CACNA1C: variants seen among roughly 807,000 people sequenced by gnomAD.
The protein encoded by CACNA1C is calcium voltage-gated channel subunit alpha1 C.
A neutral mutation model predicts 229.0 loss-of-function variants in CACNA1C; 30 were observed. The ratio of observed to expected loss-of-function variants is 0.13; its 90% confidence interval spans 0.10 to 0.18. CACNA1C has a LOEUF of 0.18. CACNA1C is among the 10% of genes least tolerant of loss of function. CACNA1C has a pLI of 1.00. For synonymous variants in CACNA1C, 1,114 were observed against 1,132.5 expected, an observed-to-expected ratio of 0.98 and a Z score of 0.33; for missense variants, 1,658 against 2,845.0, an observed-to-expected ratio of 0.58 and a Z score of 9.49.
intron 1 of CACNA1C, among the ~76,000 whole-genome samples, chr12:2,077,335 A>G (rs2063574687): frequency 6.6e-6 from 1 of 152,164 alleles, no homozygotes; most frequent in African/African-American, 2.4e-5. Context: ...GAAAGGGGAG[A>G]TCTTAATGTA....
chr12:2,545,212 A>ATTTTTTTTTTTTTTTTTT (rs56971243), intron 9 of CACNA1C, among the ~76,000 whole-genome samples: 1 of 131,642 alleles, frequency 7.6e-6, no homozygotes. Flanking sequence ...CAAAACAATG[A>ATTTTTTTTTTTTTTTTTT]TTTTTTTTTT....
intron 30 of CACNA1C, among the ~76,000 whole-genome samples, chr12:2,638,359 G>A (rs1056460571): frequency 7.2e-5 from 11 of 152,186 alleles, no homozygotes; most frequent in Admixed American, 1.3e-4. Context: ...CGGGAGAAGA[G>A]GTAGCAGGGC....
At chr12:1,980,146 A>G (rs1322176977) in intron 1 of CACNA1C, among the ~76,000 whole-genome samples, 1 of 152,204 alleles carries the variant, frequency 6.6e-6, no homozygotes, top group African/African-American at 2.4e-5. Flanking sequence ...ATACATATCC[A>G]CCTAAAAAAC....
At chr12:2,494,606 G>A (rs982580207) in intron 7 of CACNA1C, among the ~76,000 whole-genome samples, 11 of 152,220 alleles carry the variant, frequency 7.2e-5, no homozygotes, top group South Asian at 2.1e-4. Context: ...AATGCTTCCC[G>A]TTGAGCAGAG....
intron 11 of CACNA1C, among the ~76,000 whole-genome samples, chr12:2,560,134 G>A (rs1172230301): frequency 6.6e-6 from 1 of 152,178 alleles, no homozygotes; most frequent in Non-Finnish European, 1.5e-5. Flanking sequence ...TGGCCCTGGA[G>A]GTTTCACACA....
intron 1 of CACNA1C, among the ~76,000 whole-genome samples, chr12:2,032,930 A>G (rs138360996): frequency 4.9e-4 from 74 of 152,338 alleles, no homozygotes; most frequent in African/African-American, 1.5e-3. Flanking sequence ...CTCTCTCCCT[A>G]TAAAACATCC....
Position 2,634,390 on chromosome 12 carries a change from T to C in CACNA1C, c.3912+10T>C, listed in dbSNP as rs560207575. On this transcript the variant is annotated intron_variant, in intron 30 of 46. Transcript: ENST00000399655. ...AATCACCGAGGTAAACGTAAGTACATGGCGTCTGTCCCTAACCGTCCGTGC... is the reference window on the plus strand; with the variant it reads ...AATCACCGAGGTAAACGTAAGTACACGGCGTCTGTCCCTAACCGTCCGTGC... 1 of 1,517,764 alleles carries C rather than the reference T, an allele frequency of 6.6e-7. No individual in the cohort carries two copies. The highest frequency in any genetic ancestry group is 1.2e-5 in the South Asian group (1 of 83,914). 94.0% of individuals were successfully genotyped at this position (1,517,764 alleles called of 1,614,324 possible). A position where few individuals can be genotyped will look rare whatever the true frequency, so the allele number is the denominator to read the frequency against.
chr12:2,314,595 C>T (rs2095595489), intron 3 of CACNA1C, among the ~76,000 whole-genome samples: 1 of 152,132 alleles, frequency 6.6e-6, no homozygotes, highest in African/African-American at 2.4e-5. Flanking sequence ...CTCATGAAGT[C>T]TATATTTTTG....
Position 2,120,433 on chromosome 12 carries a change from A to G in CACNA1C, c.477+3A>G. ...CCAACGCCACCAATTCCAACCTGGT[A>G]AGTCCACCATCCTCAAGTCTCTGCT... On this transcript the variant is annotated splice_donor_region_variant and intron_variant, in intron 3 of 46. Coordinates refer to ENST00000399655, the MANE Select transcript of CACNA1C (RefSeq NM_000719.7). 6.6e-7 allele frequency: 1 copy of G among 1,508,316 alleles called. No individual in the cohort carries two copies. Among genetic ancestry groups the G allele is most frequent in the Non-Finnish European group, 9.2e-7 (1 of 1,083,426 alleles). The allele number at this position is 1,508,316 out of a possible 1,614,324, so 93.4% of individuals were successfully genotyped here. A position where few individuals can be genotyped will look rare whatever the true frequency, so the allele number is the denominator to read the frequency against.
chr12:2,219,173 T>C (rs2060788927), intron 3 of CACNA1C, among the ~76,000 whole-genome samples: 2 of 152,348 alleles, frequency 1.3e-5, no homozygotes, highest in African/African-American at 4.8e-5. Context: ...TGCTGGACGC[T>C]TCTCTCCCTT....
chr12:2,183,371 C>T (rs1466488693), intron 3 of CACNA1C, among the ~76,000 whole-genome samples: 1 of 152,234 alleles, frequency 6.6e-6, no homozygotes, highest in Non-Finnish European at 1.5e-5. Context: ...AGGTCTGTGT[C>T]CCGCTGATCT....
At chr12:2,146,240 A>T (rs1021768200) in intron 3 of CACNA1C, among the ~76,000 whole-genome samples, 2 of 150,970 alleles carry the variant, frequency 1.3e-5, no homozygotes, top group Non-Finnish European at 3.0e-5. Context: ...GAAGCAGGTA[A>T]TGGTAGTTGA....
chr12:2,042,977 A>G (rs1268487148), intron 1 of CACNA1C, among the ~76,000 whole-genome samples: 1 of 152,248 alleles, frequency 6.6e-6, no homozygotes, highest in Non-Finnish European at 1.5e-5. Context: ...ATATGCCTGT[A>G]CTTTAAGAGG....
intron 7 of CACNA1C, among the ~76,000 whole-genome samples, chr12:2,500,336 T>A (rs1347924899): frequency 6.6e-6 from 1 of 152,142 alleles, no homozygotes; most frequent in Non-Finnish European, 1.5e-5. Flanking sequence ...TCTCACCTTG[T>A]GTGTGGCGCA....
intron 3 of CACNA1C, among the ~76,000 whole-genome samples, chr12:2,375,079 G>A (rs1049725809): frequency 1.3e-5 from 2 of 152,194 alleles, no homozygotes; most frequent in African/African-American, 4.8e-5. Flanking sequence ...AATGAGACAG[G>A]ATTAGTGATT....
intron 3 of CACNA1C, among the ~76,000 whole-genome samples, chr12:2,357,791 G>A (rs779357423): frequency 1.1e-4 from 17 of 151,292 alleles, no homozygotes; most frequent in African/African-American, 1.7e-4. Flanking sequence ...GCCAACATGC[G>A]GAAACCCCGT....
rs141574312 is a variant in CACNA1C, at chr12:2,229,491, C to T, written c.477+109061C>T. Among the ~76,000 whole-genome samples, 6 of 152,162 alleles carry T rather than the reference C, an allele frequency of 3.9e-5. No homozygotes were observed. The East Asian group carries it at 5.8e-4, about 15-fold the overall frequency. ...TAAAACAGGCCTGAATCCCTGCCCA[C>T]GGGGAGCTTACAATCTAGTAGAGAG... On this transcript the variant is annotated intron_variant, in intron 3 of 46. Coordinates refer to ENST00000399655, the MANE Select transcript of CACNA1C (RefSeq NM_000719.7).
At chr12:2,020,341 G>A (rs1396543325) in intron 1 of CACNA1C, 1 of 152,204 alleles carries the variant, frequency 6.6e-6, no homozygotes, top group Non-Finnish European at 1.5e-5. Context: ...AAGTTGTCCA[G>A]TGTCACCCCT....
At position 2,545,091 on chromosome 12, in the gene CACNA1C, C is replaced by T. The variant is rs549300301; in HGVS notation, c.1391-4852C>T. 2.0e-5 allele frequency among the ~76,000 whole-genome samples: 3 copies of T among 152,234 alleles called. No individual in the cohort carries two copies. In the South Asian group the frequency reaches 6.2e-4, roughly 32 times the overall value. On this transcript the variant is annotated intron_variant, in intron 9 of 46. Coordinates refer to ENST00000399655, the MANE Select transcript of CACNA1C (RefSeq NM_000719.7). Reference sequence around the variant, plus strand: ...TTTGGAGCTTCTTCTCCATCCAACCCCTGAGCTGGTCGTTGCTGGTTGTTA... The same window carrying T: ...TTTGGAGCTTCTTCTCCATCCAACCTCTGAGCTGGTCGTTGCTGGTTGTTA...
Sources: gnomAD v4.1 joint callset for allele counts (sites outside exome capture counted in the v4.1 genomes callset) on GRCh38, gnomAD v4.1.1 for gene constraint, MANE v1.5 for transcripts, NCBI Gene and HGNC (gene_info 2026-07-23, HGNC 2026-07-21) for gene names.